COL18A1: variants seen among roughly 807,000 people sequenced by gnomAD.
COL18A1 encodes collagen alpha-1(XVIII) chain.
A neutral mutation model predicts 168.0 loss-of-function variants in COL18A1; 133 were observed. The observed-to-expected ratio is 0.79, with a 90% confidence interval of 0.69 to 0.91. COL18A1 has a LOEUF of 0.91. Among genes scored for constraint, COL18A1 ranks in the 40% least tolerant of loss-of-function variants. The probability of loss-of-function intolerance (pLI) is 0.00; values close to 1 mark genes in which losing one functional copy is unlikely to be tolerated. For synonymous variants in COL18A1, 949 were observed against 809.0 expected (o/e 1.17, Z -2.94); for missense variants, 2,126 against 1,925.4 (o/e 1.10, Z -1.95).
Position 45,512,465 on chromosome 21 carries a change from G to A in COL18A1, c.*67G>A. On this transcript the variant is annotated 3_prime_UTR_variant, in exon 42 of 42. Coordinates refer to ENST00000651438, the MANE Select transcript of COL18A1 (RefSeq NM_001379500.1). ...GGAGGAAGCCCCCACCGTGGGCAGG[G>A]AGCGGCCGGCCAGCCCCTGGCCCCA... is the stretch of plus-strand genomic sequence containing the variant. The A allele has an allele frequency of 2.0e-6, 3 of 1,513,278 alleles. No homozygotes were observed. The highest frequency in any genetic ancestry group is 2.7e-6 in the Non-Finnish European group (3 of 1,111,858). 93.7% of individuals were successfully genotyped at this position (1,513,278 alleles called of 1,614,324 possible).
chr21:45,422,379 C>T (rs117115507), intron 2 of COL18A1: 7,759 of 472,768 alleles, frequency 0.016, 134 homozygotes, highest in Middle Eastern at 0.039. Flanking sequence ...AGTGCGATGG[C>T]GGGGCCTCGC....
Position 45,484,172 on chromosome 21 carries a change from G to A in COL18A1, c.1701+1351G>A, listed in dbSNP as rs575768943. 1.7e-3 allele frequency among the ~76,000 whole-genome samples: 165 copies of A among 98,934 alleles called. 9 individuals are homozygous for A. Among genetic ancestry groups the A allele is most frequent in the African/African-American group, 6.4e-3 (152 of 23,710 alleles). The allele number at this position is 98,934 out of a possible 152,430, so 64.9% of individuals were successfully genotyped here. ...ACACCTCTCCAGCATATGTACACGCGCACACACCTCTCCAGCATATGTGCA... is the reference window on the plus strand; with the variant it reads ...ACACCTCTCCAGCATATGTACACGCACACACACCTCTCCAGCATATGTGCA... On this transcript the variant is annotated intron_variant, in intron 15 of 41. Transcript: ENST00000651438.
In COL18A1 at chr21:45,444,146, T is replaced by C. The variant is rs141804608; in HGVS notation, c.107-24096T>C. Reference sequence around the variant, plus strand: ...GTCGTCCCGTGGCGTCCTCTACCCTTTCCCATGTGACACATTCGCTCCATG... The same window carrying C: ...GTCGTCCCGTGGCGTCCTCTACCCTCTCCCATGTGACACATTCGCTCCATG... On this transcript the variant is annotated intron_variant, in intron 2 of 41. Transcript: ENST00000651438. Among the ~76,000 whole-genome samples the C allele has an allele frequency of 3.4e-3, 515 of 152,298 alleles. 3 individuals carry two copies. Among genetic ancestry groups the C allele is most frequent in the African/African-American group, 0.012 (496 of 41,546 alleles).
At chr21:45,449,338 A>G (rs1157901726) in intron 2 of COL18A1, among the ~76,000 whole-genome samples, 1 of 152,138 alleles carries the variant, frequency 6.6e-6, no homozygotes, top group African/African-American at 2.4e-5. Context: ...AGGAGCCAAG[A>G]AGGCTCCCAC....
intron 2 of COL18A1, among the ~76,000 whole-genome samples, chr21:45,406,113 G>T (rs1329943285): frequency 6.6e-6 from 1 of 152,228 alleles, no homozygotes; most frequent in Non-Finnish European, 1.5e-5. Flanking sequence ...CGCGGGGCCC[G>T]TGGGGACCTT....
intron 2 of COL18A1, among the ~76,000 whole-genome samples, chr21:45,445,563 G>A (rs891238204): frequency 1.6e-4 from 24 of 152,284 alleles, no homozygotes; most frequent in African/African-American, 5.5e-4. Flanking sequence ...ACCATCTCAC[G>A]TCCCTTCCTG....
chr21:45,479,757 C>T lies in COL18A1; in HGVS notation c.1249-145C>T, dbSNP rs777133430. 13 of 1,152,360 alleles carry T rather than the reference C, an allele frequency of 1.1e-5. No homozygotes were observed. In the South Asian group the frequency reaches 1.1e-4, roughly 10 times the overall value. 71.4% of individuals were successfully genotyped at this position (1,152,360 alleles called of 1,614,324 possible). ...GCGGGAGACAGTCTGCTGGGCCTGG[C>T]GCCCTCGTACTTTCCGGGCCCCAGA... is the stretch of plus-strand genomic sequence containing the variant. On this transcript the variant is annotated intron_variant, in intron 9 of 41. Coordinates refer to ENST00000651438, the MANE Select transcript of COL18A1 (RefSeq NM_001379500.1).
chr21:45,476,628 GTT>G (rs2035667029), intron 6 of COL18A1, 148 bp downstream of exon 6: 1 of 1,041,784 alleles, frequency 9.6e-7, no homozygotes, highest in Non-Finnish European at 1.4e-6. Context: ...TATGGCACGT[GTT>G]TGTGTGAAAT....
intron 29 of COL18A1, chr21:45,495,773 A>T: frequency 2.8e-6 from 1 of 363,096 alleles, no homozygotes; most frequent in Non-Finnish European, 5.4e-6. Context: ...TACACTCCAC[A>T]TAGGTGCACA....
chr21:45,507,573 A>C lies in COL18A1; in HGVS notation c.3229A>C (p.Thr1077Pro). 6.2e-7 allele frequency: 1 copy of C among 1,613,050 alleles called. No homozygotes were observed. The highest frequency in any genetic ancestry group is 8.5e-7 in the Non-Finnish European group (1 of 1,179,926). The change falls in exon 38 of 42, where the codon ACA becomes CCA. Residue 1077 changes from threonine (T) to proline (P), a missense_variant. Thr to Pro is a conservative substitution (Grantham distance 38, BLOSUM62 -1). Transcript: ENST00000651438. Reference sequence around the variant, plus strand: ...TGCTTTCTTCCAGCTGGAGGCCCGGACACCACTCCCACGAGGGACGGTAAG... The same window carrying C: ...TGCTTTCTTCCAGCTGGAGGCCCGGCCACCACTCCCACGAGGGACGGTAAG... ...GFRKVQLEAR[T>P]PLPRGTDNEV... is the part of the protein sequence containing the mutation.
At chr21:45,474,788 G>T (rs1348078602) in intron 4 of COL18A1, among the ~76,000 whole-genome samples, 6 of 152,216 alleles carry the variant, frequency 3.9e-5, no homozygotes, top group Non-Finnish European at 8.8e-5. Context: ...GGGGGCGTGG[G>T]CAGGAGACAC....
chr21:45,455,496 C>G, intron 2 of COL18A1: 5 of 1,609,024 alleles, frequency 3.1e-6, no homozygotes, highest in African/African-American at 1.3e-5. Flanking sequence ...CACAGAGGCC[C>G]TCCCGCCGCC....
At chr21:45,493,259 T>G in intron 25 of COL18A1, 34 bp downstream of exon 25, 1 of 1,549,354 alleles carries the variant, frequency 6.5e-7, no homozygotes, top group Non-Finnish European at 8.7e-7. Flanking sequence ...TCAACCCCCT[T>G]TGTGACCCAG....
At chr21:45,510,938 A>ACACACACCC (rs1271906023) in intron 40 of COL18A1, among the ~76,000 whole-genome samples, 173 bp from the exon 41 acceptor site, 33 of 42,028 alleles carry the variant, frequency 7.9e-4, no homozygotes, top group Middle Eastern at 0.015. Context: ...CCCCCAAAAA[A>ACACACACCC]ACACACACCC....
chr21:45,471,276 G>A lies in COL18A1; in HGVS notation c.651+2490G>A, dbSNP rs1354449147. Among the ~76,000 whole-genome samples, 2 of 152,192 alleles carry A rather than the reference G, an allele frequency of 1.3e-5. No homozygotes were observed. Among genetic ancestry groups the A allele is most frequent in the Non-Finnish European group, 2.9e-5 (2 of 68,026 alleles). On this transcript the variant is annotated intron_variant, in intron 3 of 41. Coordinates refer to ENST00000651438, the MANE Select transcript of COL18A1 (RefSeq NM_001379500.1). This position sits in a 1 kb window ranked among gnomAD's most constrained non-coding sequence, Gnocchi z 4.4. ...TCAGGTGTCAGGAACTTTCTCTTTG[G>A]GTCTTAGATGAGATTCCAGCTGGGG...
intron 38 of COL18A1, among the ~76,000 whole-genome samples, chr21:45,508,408 ATGAG>A (rs2037367723): frequency 9.2e-6 from 1 of 108,490 alleles, no homozygotes; most frequent in Admixed American, 9.1e-5. Context: ...GGATAGGTAG[ATGAG>A]TGGATGAATG....
rs768613870 is a variant in COL18A1, at chr21:45,491,227, A to C, written c.2070A>C (p.Gly690=). Reference sequence around the variant, plus strand: ...GGACGCGTGGCCTCCTCTTCCAGGGAGATCCAGGGAAGGACGGAGTCGGGC... The same window carrying C: ...GGACGCGTGGCCTCCTCTTCCAGGGCGATCCAGGGAAGGACGGAGTCGGGC... ...KGDRGSRGEK[G]DPGKDGVGQP... Residue 690 remains glycine, a splice_region_variant and synonymous_variant, in exon 22 of 42, where the codon GGA becomes GGC. Coordinates refer to ENST00000651438, the MANE Select transcript of COL18A1 (RefSeq NM_001379500.1). 2.5e-6 allele frequency: 4 copies of C among 1,611,688 alleles called. No individual in the cohort carries two copies. The South Asian group carries it at 4.4e-5, about 18-fold the overall frequency.
In COL18A1 at chr21:45,496,523, TC is replaced by T; in HGVS notation, c.2534del (p.Pro845GlnfsTer64). ...MRGMPGPPGP[P>X]GPPGPPGTPV... The stretch of plus-strand genomic sequence containing the variant: ...AGGGAATGCCCGGCCCCCCAGGACC[TC>T]CAGGGCCCCCAGGCCCTCCAGGGAC... On this transcript the variant is annotated frameshift_variant, in exon 30 of 42. Transcript: ENST00000651438. LOFTEE classifies it high-confidence loss of function. 2.6e-6 allele frequency: 4 copies of T among 1,524,870 alleles called. No individual in the cohort carries two copies. The highest frequency in any genetic ancestry group is 3.6e-6 in the Non-Finnish European group (4 of 1,099,538). 94.5% of individuals were successfully genotyped at this position (1,524,870 alleles called of 1,614,324 possible). A position where few individuals can be genotyped will look rare whatever the true frequency, so the allele number is the denominator to read the frequency against.
chr21:45,500,200 G>GTA (rs1402344169), intron 32 of COL18A1, among the ~76,000 whole-genome samples: 1 of 65,414 alleles, frequency 1.5e-5, no homozygotes, highest in African/African-American at 7.2e-5. Context: ...TGTGTGGAGT[G>GTA]TGTGTGGCTG....
Sources: allele counts gnomAD v4.1 joint callset (sites outside exome capture counted in the v4.1 genomes callset), GRCh38; gene constraint gnomAD v4.1.1; non-coding constraint Gnocchi (gnomAD v3.1); transcripts MANE v1.5; gene names NCBI Gene and HGNC (gene_info 2026-07-23, HGNC 2026-07-21).